PRELID2: variants seen among roughly 807,000 people sequenced by gnomAD.
PRELID2 encodes PRELI domain containing 2.
In PRELID2, 25 loss-of-function variants were observed where a neutral mutation model predicts 28.4. The observed-to-expected ratio is 0.88, with a 90% CI of 0.64 to 1.23. The LOEUF (loss-of-function observed/expected upper bound fraction) is 1.23, where lower values mean the gene tolerates loss of function less well. PRELID2 is among the 50% of genes most tolerant of loss of function. The probability of loss-of-function intolerance (pLI) is 0.00; values close to 1 mark genes in which losing one functional copy is unlikely to be tolerated. For synonymous variants in PRELID2, 76 were observed against 71.6 expected, an observed-to-expected ratio of 1.06 and a Z score of -0.31; for missense variants, 201 against 214.4, an observed-to-expected ratio of 0.94 and a Z score of 0.39.
At chr5:145,314,918 A>G in the PRELID2 span, among the ~76,000 whole-genome samples, 2 of 151,718 alleles carry the variant, frequency 1.3e-5, no homozygotes, top group South Asian at 4.1e-4. Context: ...TCTGAATTTT[A>G]TATTTATCTA....
At chr5:145,251,638 T>G in the PRELID2 span, among the ~76,000 whole-genome samples, 1 of 152,138 alleles carries the variant, frequency 6.6e-6, no homozygotes, top group Non-Finnish European at 1.5e-5. Context: ...TGTAGATTAT[T>G]TGAGCCCTGG....
chr5:145,429,448 A>G, the PRELID2 span, among the ~76,000 whole-genome samples: 1 of 152,184 alleles, frequency 6.6e-6, no homozygotes, highest in South Asian at 2.1e-4. Flanking sequence ...TGAGGAGTCT[A>G]GGTTTGCACA....
At chr5:145,807,862 T>C (rs1753621820) in intron 4 of PRELID2, among the ~76,000 whole-genome samples, 2 of 152,158 alleles carry the variant, frequency 1.3e-5, no homozygotes, top group African/African-American at 4.8e-5. Context: ...TGGTAAACTG[T>C]GACCTCAGTG....
chr5:145,499,170 C>A (rs180713813), intron 1 of PRELID2, among the ~76,000 whole-genome samples: 2 of 152,144 alleles, frequency 1.3e-5, no homozygotes, highest in Admixed American at 1.3e-4. Flanking sequence ...ATCTCTTGAG[C>A]CCAGGAGGCT....
the PRELID2 span, among the ~76,000 whole-genome samples, chr5:145,303,352 G>A: frequency 4.7e-3 from 713 of 152,280 alleles, 7 homozygotes; most frequent in African/African-American, 0.016. Context: ...CCACCAAAAT[G>A]TGGACACTAA....
intron 1 of PRELID2, among the ~76,000 whole-genome samples, chr5:145,518,274 A>C (rs1752536358): frequency 6.6e-6 from 1 of 152,020 alleles, no homozygotes; most frequent in African/African-American, 2.4e-5. Flanking sequence ...ATCTCAGCTC[A>C]CTGCAACCTC....
chr5:145,664,403 C>T (rs1289198410), intron 1 of PRELID2, among the ~76,000 whole-genome samples: 1 of 152,124 alleles, frequency 6.6e-6, no homozygotes, highest in African/African-American at 2.4e-5. Flanking sequence ...AGAACCTTAG[C>T]ACCCAAGAAC....
chr5:145,287,296 T>C, the PRELID2 span, among the ~76,000 whole-genome samples: 2 of 152,124 alleles, frequency 1.3e-5, no homozygotes, highest in Admixed American at 6.6e-5. Context: ...AATAATAAAA[T>C]AGAATAGGAT....
the PRELID2 span, among the ~76,000 whole-genome samples, chr5:145,275,924 G>A: frequency 6.6e-6 from 1 of 152,078 alleles, no homozygotes; most frequent in African/African-American, 2.4e-5. Context: ...CTCATAAGTG[G>A]AGTTAAATGA....
intron 4 of PRELID2, among the ~76,000 whole-genome samples, chr5:145,811,264 C>T (rs1201173373): frequency 6.6e-6 from 1 of 151,968 alleles, no homozygotes; most frequent in Non-Finnish European, 1.5e-5. Context: ...ATTGTGTGAG[C>T]TACAACTCAA....
At chr5:145,585,624 TAAAGTGCTTG>T (rs959024785) in intron 1 of PRELID2, among the ~76,000 whole-genome samples, 4 of 152,174 alleles carry the variant, frequency 2.6e-5, no homozygotes, top group Admixed American at 1.3e-4. Context: ...ATAGTCATCT[TAAAGTGCTTG>T]GCCTAATGCC....
At chr5:145,544,292 T>C (rs1752768280) in intron 1 of PRELID2, among the ~76,000 whole-genome samples, 1 of 152,112 alleles carries the variant, frequency 6.6e-6, no homozygotes, top group Non-Finnish European at 1.5e-5. Context: ...CATAATGTAA[T>C]GCCTAGAAAC....
chr5:145,516,194 T>A (rs71594505), intron 1 of PRELID2, among the ~76,000 whole-genome samples: 1 of 151,672 alleles, frequency 6.6e-6, no homozygotes, highest in African/African-American at 2.4e-5. Flanking sequence ...AGAGAGGAAG[T>A]CAAATTGTCT....
the PRELID2 span, among the ~76,000 whole-genome samples, chr5:145,364,808 CTTT>C: frequency 1.3e-5 from 2 of 151,976 alleles, no homozygotes; most frequent in East Asian, 1.9e-4. Flanking sequence ...ACTGCCACTT[CTTT>C]GATTCCCTGC....
chr5:145,643,675 G>A (rs1360525552), intron 1 of PRELID2, among the ~76,000 whole-genome samples: 1 of 152,122 alleles, frequency 6.6e-6, no homozygotes, highest in African/African-American at 2.4e-5. Context: ...TTATTGTTTT[G>A]AGATATGTTC....
intron 1 of PRELID2, among the ~76,000 whole-genome samples, chr5:145,526,697 T>C (rs910119752): frequency 6.6e-6 from 1 of 152,026 alleles, no homozygotes; most frequent in Non-Finnish European, 1.5e-5. Context: ...ACAATACCAA[T>C]GATAAAAACA....
chr5:145,385,762 T>G, the PRELID2 span, among the ~76,000 whole-genome samples: 1 of 152,210 alleles, frequency 6.6e-6, no homozygotes, highest in Non-Finnish European at 1.5e-5. Context: ...TATTTATATT[T>G]AGATCATAAA....
chr5:145,348,544 C>G, the PRELID2 span, among the ~76,000 whole-genome samples: 1 of 152,084 alleles, frequency 6.6e-6, no homozygotes, highest in African/African-American at 2.4e-5. Context: ...TAAATTAATG[C>G]AATAAATTCT....
Position 145,552,577 on chromosome 5 carries a change from T to C in PRELID2, n.71-79262A>G, listed in dbSNP as rs144552133. ...CAAGCCTCGGGGATACAAGAGGAGA[T>C]GCTTGCTGAAAATAGAAGCAACACC... On this transcript the variant is annotated intron_variant and non_coding_transcript_variant, in intron 1 of 2. Coordinates refer to the PRELID2 transcript ENST00000510259. Among the ~76,000 whole-genome samples, 994 of 152,200 alleles carry C rather than the reference T, an allele frequency of 6.5e-3. 18 individuals are homozygous for C. The highest frequency in any genetic ancestry group is 0.022 in the African/African-American group (928 of 41,522).
Sources: gnomAD v4.1 joint callset for allele counts (sites outside exome capture counted in the v4.1 genomes callset) on GRCh38, gnomAD v4.1.1 for gene constraint, MANE v1.5 for transcripts, NCBI Gene and HGNC (gene_info 2026-07-23, HGNC 2026-07-21) for gene names.